The following ZFHX3 variants were observed in gnomAD, a reference collection of about 807,000 sequenced individuals.
ZFHX3 encodes the protein zinc finger homeobox protein 3.
A neutral mutation model predicts 279.1 loss-of-function variants in ZFHX3; 42 were observed. The observed-to-expected ratio is 0.15, with a 90% CI of 0.12 to 0.19. The LOEUF is 0.19. Ranked by LOEUF, ZFHX3 falls within the 10% of genes least tolerant of loss-of-function variation. The pLI is 1.00. For missense variants in ZFHX3, 4,981 were observed against 4,754.0 expected, an observed-to-expected ratio of 1.05 and a Z score of -1.40; for synonymous variants, 2,293 against 1,957.8, an observed-to-expected ratio of 1.17 and a Z score of -4.52.
intron 4 of ZFHX3, among the ~76,000 whole-genome samples, chr16:73,295,429 T>G (rs2143112927): frequency 1.3e-5 from 2 of 152,360 alleles, no homozygotes; most frequent in South Asian, 4.1e-4. Context: ...AAGGTGTGAA[T>G]TTTTTAAAGG....
chr16:73,391,228 C>A (rs2017007008), intron 3 of ZFHX3, among the ~76,000 whole-genome samples: 1 of 152,112 alleles, frequency 6.6e-6, no homozygotes, highest in Admixed American at 6.5e-5. Context: ...GTAATTCCAG[C>A]ACTTTGGGAG....
intron 1 of ZFHX3, among the ~76,000 whole-genome samples, chr16:73,862,714 C>G (rs1043234983): frequency 2.6e-5 from 4 of 151,842 alleles, no homozygotes; most frequent in African/African-American, 9.7e-5. Context: ...GAGGAAGAGG[C>G]TGTAGAGAGC....
At position 73,450,470 on chromosome 16, in the gene ZFHX3, T is replaced by C. The variant is rs556766262; in HGVS notation, c.-1291+5533A>G. Among the ~76,000 whole-genome samples, 59 of 152,322 alleles carry C rather than the reference T, an allele frequency of 3.9e-4. No individual in the cohort carries two copies. In the South Asian group the frequency reaches 0.012, roughly 32 times the overall value. On this transcript the variant is annotated intron_variant, in intron 3 of 17. Coordinates refer to the ZFHX3 transcript ENST00000641206. ...TGTCATTTTTATAAAAAAAAAGTCA[T>C]TATTCCATAAAAGAAAAAATATAGG...
chr16:73,200,104 G>C (rs1212288279), intron 5 of ZFHX3, among the ~76,000 whole-genome samples: 2 of 152,116 alleles, frequency 1.3e-5, no homozygotes, highest in Admixed American at 1.3e-4. Context: ...GAAAATAAGT[G>C]TCTTCTGGAG....
At chr16:73,472,501 G>A (rs2018687739) in intron 2 of ZFHX3, among the ~76,000 whole-genome samples, 1 of 152,184 alleles carries the variant, frequency 6.6e-6, no homozygotes, top group Non-Finnish European at 1.5e-5. Flanking sequence ...TCACCAGTGG[G>A]AAGTGGGAGA....
In ZFHX3 at chr16:72,787,452, A is replaced by C. The variant is rs1466390391; in HGVS notation, c.10824T>G (p.Ala3608=). ...AAGACTTCCTGGAGGCGTGGGGGGA[A>C]GCGGAGGAGGGGGCGGCGGCCGACG... is the stretch of plus-strand genomic sequence containing the variant. ...PPPSAAAPSS[A]SPHASRKSWP... is the part of the protein sequence containing the mutation. Residue 3608 remains alanine (A), a synonymous_variant, in exon 10 of 10, where the codon GCT becomes GCG. Transcript: ENST00000268489. 1.6e-5 allele frequency: 20 copies of C among 1,268,774 alleles called. No homozygotes were observed. Among genetic ancestry groups the C allele is most frequent in the East Asian group, 1.2e-4 (3 of 26,006 alleles). The allele number at this position is 1,268,774 out of a possible 1,614,324, so 78.6% of individuals were successfully genotyped here. A position where few individuals can be genotyped will look rare whatever the true frequency, so the allele number is the denominator to read the frequency against.
intron 2 of ZFHX3, among the ~76,000 whole-genome samples, chr16:73,487,252 AT>A (rs1482457937): frequency 1.3e-5 from 2 of 152,228 alleles, no homozygotes; most frequent in African/African-American, 4.8e-5. Context: ...AGAGACGTTA[AT>A]AACAAATGAA....
intron 4 of ZFHX3, among the ~76,000 whole-genome samples, chr16:73,265,812 T>C (rs55953824): frequency 0.3 from 45,471 of 152,038 alleles, 7,420 homozygotes; most frequent in Middle Eastern, 0.49. Context: ...AGGAGAGCAG[T>C]TCAGGCTCTA....
Position 72,865,419 on chromosome 16 carries a change from C to T in ZFHX3, c.3448+24312G>A, listed in dbSNP as rs545749836. Among the ~76,000 whole-genome samples the T allele has an allele frequency of 8.5e-5, 13 of 152,326 alleles. 1 individual carries two copies. The East Asian group carries it at 2.1e-3, about 25-fold the overall frequency. ...CATGGATCTGTCTTCACCTTCATGG[C>T]GGCCCTGTGCTGGGCCATATCAGGC... On this transcript the variant is annotated intron_variant, in intron 4 of 9. Transcript: ENST00000268489.
intron 2 of ZFHX3, among the ~76,000 whole-genome samples, chr16:73,464,804 G>A (rs2018535909): frequency 6.6e-6 from 1 of 152,170 alleles, no homozygotes; most frequent in Non-Finnish European, 1.5e-5. Context: ...CCCGCCTTTG[G>A]GTCCTTCTCT....
intron 7 of ZFHX3, among the ~76,000 whole-genome samples, chr16:72,802,973 A>T (rs926056943): frequency 6.6e-6 from 1 of 152,060 alleles, no homozygotes; most frequent in African/African-American, 2.4e-5. Context: ...TGGCTACTAA[A>T]CTGCATGGAA....
rs558423250 is a variant in ZFHX3, at chr16:73,137,758, T to G, written c.-1024+5994A>C. Among the ~76,000 whole-genome samples, 16 of 152,210 alleles carry G rather than the reference T, an allele frequency of 1.1e-4. 1 individual carries two copies. In the East Asian group the frequency reaches 2.9e-3, roughly 28 times the overall value. ...TGTATGAAGGAAGCCAGAGAAAGCA[T>G]GGAATTAAAAAAATTATCTTTGTGG... On this transcript the variant is annotated intron_variant, in intron 6 of 17. Coordinates refer to the ZFHX3 transcript ENST00000641206.
At chr16:73,606,323 T>C (rs1425836044) in intron 2 of ZFHX3, among the ~76,000 whole-genome samples, 1 of 145,688 alleles carries the variant, frequency 6.9e-6, no homozygotes, top group Non-Finnish European at 1.5e-5. Flanking sequence ...GCCTAAAATA[T>C]AAAAATACAA....
intron 5 of ZFHX3, among the ~76,000 whole-genome samples, chr16:72,827,748 C>A (rs2036968564): frequency 6.6e-6 from 1 of 152,210 alleles, no homozygotes; most frequent in South Asian, 2.1e-4. Flanking sequence ...TCGGTCCTAC[C>A]TTACACATCG....
At chr16:73,254,304 G>A (rs1321763318) in intron 5 of ZFHX3, among the ~76,000 whole-genome samples, 1 of 151,956 alleles carries the variant, frequency 6.6e-6, no homozygotes, top group African/African-American at 2.4e-5. Context: ...AGCTCTCCCT[G>A]CCCACTCCAG....
intron 1 of ZFHX3, chr16:73,809,875 T>G (rs375215585): frequency 1.4e-4 from 21 of 152,456 alleles, no homozygotes; most frequent in Admixed American, 6.5e-4. Context: ...GGTAAAAATG[T>G]CATCCCCACC....
chr16:73,735,755 G>A (rs1372254518), intron 1 of ZFHX3, among the ~76,000 whole-genome samples: 1 of 152,092 alleles, frequency 6.6e-6, no homozygotes, highest in Non-Finnish European at 1.5e-5. Context: ...TCATCTCATG[G>A]CTTTGTACAG....
At chr16:73,703,009 G>T (rs942425371) in intron 1 of ZFHX3, among the ~76,000 whole-genome samples, 6 of 152,144 alleles carry the variant, frequency 3.9e-5, no homozygotes, top group African/African-American at 1.4e-4. Context: ...TGGTGATAGT[G>T]AAAGAGGAGA....
At chr16:72,970,353 G>T (rs1258122554) in intron 1 of ZFHX3, among the ~76,000 whole-genome samples, 2 of 152,006 alleles carry the variant, frequency 1.3e-5, no homozygotes, top group African/African-American at 2.4e-5. Flanking sequence ...GGGATTTGGG[G>T]CAATTTAAAC....
Sources: allele counts gnomAD v4.1 joint callset (sites outside exome capture counted in the v4.1 genomes callset), GRCh38; gene constraint gnomAD v4.1.1; transcripts MANE v1.5; gene names NCBI Gene and HGNC (gene_info 2026-07-23, HGNC 2026-07-21).